The following ETV5 variants were observed in gnomAD, a reference collection of about 807,000 sequenced individuals.
The protein encoded by ETV5 is ETS variant transcription factor 5, also known as ETS translocation variant 5.
ETV5 carries 10 observed loss-of-function variants against 70.0 expected under a neutral mutation model. The ratio of observed to expected loss-of-function variants is 0.14; its 90% CI spans 0.09 to 0.24. The LOEUF (loss-of-function observed/expected upper bound fraction) is 0.24. Ranked by LOEUF, ETV5 falls within the 10% of genes least tolerant of loss-of-function variation. ETV5 has a pLI of 1.00. For synonymous variants in ETV5, 216 were observed against 242.2 expected (o/e 0.89, Z 1.01); for missense variants, 453 against 651.2 (o/e 0.70, Z 3.31).
intron 11 of ETV5, among the ~76,000 whole-genome samples, chr3:186,055,690 A>G (rs1003759272): frequency 6.6e-6 from 1 of 152,104 alleles, no homozygotes; most frequent in Non-Finnish European, 1.5e-5. Context: ...TAATCCACAC[A>G]TTCTCCTCCT....
Position 186,105,755 on chromosome 3 carries a change from G to C in ETV5, c.46-43C>G. ...AAAGTGAAGGCTCAAGTGTAGTAAA[G>C]AGGTCCACAGGGGGAAGACTCATAT... On this transcript the variant is annotated intron_variant, in intron 2 of 12. Transcript: ENST00000306376. This position sits in a 1 kb window ranked among gnomAD's most constrained non-coding sequence, Gnocchi z 4.5. The C allele has an allele frequency of 6.2e-7, 1 of 1,612,662 alleles. No homozygotes were observed. Among genetic ancestry groups the C allele is most frequent in the Non-Finnish European group, 8.5e-7 (1 of 1,178,648 alleles).
At chr3:186,071,917 C>A (rs1006262233) in intron 7 of ETV5, among the ~76,000 whole-genome samples, 1 of 151,748 alleles carries the variant, frequency 6.6e-6, no homozygotes, top group South Asian at 2.1e-4. Flanking sequence ...ACTGACTCAG[C>A]CTCCCAAGTA....
In ETV5 at chr3:186,079,888, G is replaced by A. The variant is rs535627668; in HGVS notation, c.579C>T (p.Val193=). The A allele has an allele frequency of 3.1e-6, 5 of 1,607,000 alleles. No homozygotes were observed. In the South Asian group the frequency reaches 3.3e-5, roughly 11 times the overall value. ...EPGPQQQTFA[V]PRPPHQPLQM... Reference sequence around the variant, plus strand: ...GCAGGGGCTGATGTGGTGGTCGGGGGACCGCAAATGTTTGCTGCTGTGGTC... The same window carrying A: ...GCAGGGGCTGATGTGGTGGTCGGGGAACCGCAAATGTTTGCTGCTGTGGTC... The change falls in exon 7 of 13, where the codon GTC becomes GTT. Residue 193 remains valine (V), a synonymous_variant. Transcript: ENST00000306376.
chr3:186,086,230 C>T lies in ETV5; in HGVS notation c.233-5055G>A, dbSNP rs114704873. ...TTAAGTCCATATCTGTGGGTATGCA[C>T]AATCAAGTACATGTATTGCCTTGCA... On this transcript the variant is annotated intron_variant, in intron 5 of 12. Transcript: ENST00000306376. Among the ~76,000 whole-genome samples the T allele has an allele frequency of 9.8e-3, 1,489 of 152,314 alleles. 12 individuals carry two copies. Among genetic ancestry groups the T allele is most frequent in the Non-Finnish European group, 0.014 (949 of 68,014 alleles).
At chr3:186,095,927 C>G (rs541876252) in intron 5 of ETV5, among the ~76,000 whole-genome samples, 1 of 152,308 alleles carries the variant, frequency 6.6e-6, no homozygotes, top group Non-Finnish European at 1.5e-5. Flanking sequence ...CAGGTGTCCA[C>G]AGTGCGCAGA....
At position 186,052,921 on chromosome 3, in the gene ETV5, A is replaced by G. The variant is rs965770829; in HGVS notation, c.1210-790T>C. Among the ~76,000 whole-genome samples, 2 of 152,140 alleles carry G rather than the reference A, an allele frequency of 1.3e-5. No homozygotes were observed. The highest frequency in any genetic ancestry group is 4.8e-5 in the African/African-American group (2 of 41,408). On this transcript the variant is annotated intron_variant, in intron 11 of 12. Coordinates refer to ENST00000306376, the MANE Select transcript of ETV5 (RefSeq NM_004454.3). The surrounding 1 kb of genome is among the most constrained non-coding windows in gnomAD (Gnocchi z 4.5). Reference sequence around the variant, plus strand: ...CCAAGCAATTTCTGTTCTCAAGTATATCAGCTTCCAAAATCCTACTTATGA... The same window carrying G: ...CCAAGCAATTTCTGTTCTCAAGTATGTCAGCTTCCAAAATCCTACTTATGA...
chr3:186,082,576 A>G (rs1713958226), intron 5 of ETV5, among the ~76,000 whole-genome samples: 1 of 152,074 alleles, frequency 6.6e-6, no homozygotes, highest in Non-Finnish European at 1.5e-5. Context: ...GCCCGCCACC[A>G]TGCCCAGCTA....
In ETV5 at chr3:186,065,872, T is replaced by C. The variant is rs1380872341; in HGVS notation, c.851A>G (p.His284Arg). 1 of 1,614,020 alleles carries C rather than the reference T, an allele frequency of 6.2e-7. No individual in the cohort carries two copies. The highest frequency in any genetic ancestry group is 1.3e-5 in the African/African-American group (1 of 74,994). Residue 284 changes from histidine (H) to arginine (R), a missense_variant, in exon 8 of 13, where the codon CAC becomes CGC. Physicochemically the swap from His to Arg is conservative, Grantham distance 29. Transcript: ENST00000306376. ...GATTCCCATTGGTGACTGGAACCCG[T>C]GTGCTGGGGGCCCTGGCATGCCCGG... ...GVPGMPGPPA[H>R]GFQSPMGIKQ...
chr3:186,108,717 C>G, intron 1 of ETV5: 1 of 1,105,238 alleles, frequency 9.0e-7, no homozygotes, highest in Middle Eastern at 4.1e-4. Context: ...GCTCTCCCCG[C>G]GCTCCGGAAC....
At chr3:186,049,322 A>G (rs1468654609) in intron 12 of ETV5, among the ~76,000 whole-genome samples, 2 of 152,248 alleles carry the variant, frequency 1.3e-5, no homozygotes, top group Admixed American at 1.3e-4. Flanking sequence ...AGCCTTAAGT[A>G]TGTTCCAAAG....
intron 5 of ETV5, among the ~76,000 whole-genome samples, chr3:186,096,884 T>C (rs1415776699): frequency 1.3e-5 from 2 of 151,970 alleles, no homozygotes; most frequent in Non-Finnish European, 2.9e-5. Flanking sequence ...TTGGAGGATG[T>C]TTAAGTGTGG....
intron 12 of ETV5, among the ~76,000 whole-genome samples, chr3:186,049,289 T>C (rs1438531182): frequency 1.3e-5 from 2 of 152,208 alleles, no homozygotes; most frequent in South Asian, 2.1e-4. Flanking sequence ...GTTAGAAATC[T>C]GATGAGAGCG....
chr3:186,096,086 T>C (rs1234724233), intron 5 of ETV5, among the ~76,000 whole-genome samples: 4 of 152,142 alleles, frequency 2.6e-5, no homozygotes, highest in Non-Finnish European at 4.4e-5. Flanking sequence ...GTTGTCAAAA[T>C]ACTAAATACC....
At chr3:186,099,149 A>G (rs1443937518) in intron 5 of ETV5, among the ~76,000 whole-genome samples, 7 of 152,096 alleles carry the variant, frequency 4.6e-5, no homozygotes, top group Non-Finnish European at 1.0e-4. Flanking sequence ...ACCCACTGTC[A>G]TTTGCCTGCC....
chr3:186,105,863 G>A lies in ETV5; in HGVS notation c.6C>T (p.Asp2=), dbSNP rs200588942. The A allele has an allele frequency of 1.0e-4, 167 of 1,613,946 alleles. No individual in the cohort carries two copies. The highest frequency in any genetic ancestry group is 5.6e-4 in the East Asian group (25 of 44,888). ...AAGGGACTTGCTGATCATAAAACCC[G>A]TCCATGGTGCTTTCAGCGTCTCTAA... The part of the protein sequence containing the change: M[D]GFYDQQVPFM... Residue 2 remains aspartate (D), a synonymous_variant, in exon 2 of 13, where the codon GAC becomes GAT. Coordinates refer to ENST00000306376, the MANE Select transcript of ETV5 (RefSeq NM_004454.3). This position sits in a 1 kb window ranked among gnomAD's most constrained non-coding sequence, Gnocchi z 4.5.
Position 186,053,069 on chromosome 3 carries a change from T to TA in ETV5, c.1210-939dup, listed in dbSNP as rs113970573. ...GCATTTTAGGTCAGTTTTGGAAACTTAAAAAAAAAAAACAAACTATATTCC... is the reference window on the plus strand; with the variant it reads ...GCATTTTAGGTCAGTTTTGGAAACTTAAAAAAAAAAAAACAAACTATATTCC... On this transcript the variant is annotated intron_variant, in intron 11 of 12. Coordinates refer to ENST00000306376, the MANE Select transcript of ETV5 (RefSeq NM_004454.3). 5.1e-3 allele frequency among the ~76,000 whole-genome samples: 733 copies of TA among 143,718 alleles called. 2 individuals are homozygous for TA. Among genetic ancestry groups the TA allele is most frequent in the Non-Finnish European group, 7.5e-3 (486 of 65,224 alleles). 94.3% of individuals were successfully genotyped at this position (143,718 alleles called of 152,430 possible).
chr3:186,064,293 G>T, intron 9 of ETV5, 124 bp downstream of exon 9: 1 of 876,000 alleles, frequency 1.1e-6, no homozygotes, highest in Non-Finnish European at 1.8e-6. Flanking sequence ...GCAATTTTAA[G>T]CTTGGGTATT....
At chr3:186,071,146 T>C (rs1011955701) in intron 7 of ETV5, among the ~76,000 whole-genome samples, 20 of 152,282 alleles carry the variant, frequency 1.3e-4, no homozygotes, top group African/African-American at 4.8e-4. Context: ...TTTTTCTGCA[T>C]TTCCTTTCTG....
chr3:186,053,649 TC>T (rs2150141374), intron 11 of ETV5, among the ~76,000 whole-genome samples: 1 of 152,306 alleles, frequency 6.6e-6, no homozygotes, highest in East Asian at 1.9e-4. Flanking sequence ...CAATTTCCGT[TC>T]AGTTGCTTCA....
Sources: gnomAD v4.1 joint callset for allele counts (sites outside exome capture counted in the v4.1 genomes callset) on GRCh38, gnomAD v4.1.1 for gene constraint, Gnocchi (gnomAD v3.1) non-coding constraint, MANE v1.5 for transcripts, NCBI Gene and HGNC (gene_info 2026-07-23, HGNC 2026-07-21) for gene names.